The following ZNF536 variants were observed in gnomAD, a reference collection of about 807,000 sequenced individuals.
ZNF536 encodes zinc finger protein 536.
In ZNF536, 13 loss-of-function variants were observed where a neutral mutation model predicts 84.5. The observed-to-expected ratio is 0.15, with a 90% CI of 0.10 to 0.24. The LOEUF (loss-of-function observed/expected upper bound fraction) is 0.24. ZNF536 is among the 10% of genes least tolerant of loss of function. The probability of loss-of-function intolerance (pLI) is 1.00; values close to 1 mark genes in which losing one functional copy is unlikely to be tolerated. For synonymous variants in ZNF536, 811 were observed against 742.5 expected, an observed-to-expected ratio of 1.09 and a Z score of -1.50; for missense variants, 1,536 against 1,747.5, an observed-to-expected ratio of 0.88 and a Z score of 2.16.
chr19:30,573,757 C>A (rs988154124), intron 1 of ZNF536, among the ~76,000 whole-genome samples: 28 of 152,272 alleles, frequency 1.8e-4, no homozygotes, highest in African/African-American at 6.7e-4. Flanking sequence ...AAAACGTGGG[C>A]CAATCCTTGG....
At chr19:30,390,588 C>T (rs973563262) in intron 1 of ZNF536, among the ~76,000 whole-genome samples, 11 of 152,194 alleles carry the variant, frequency 7.2e-5, no homozygotes, top group Admixed American at 1.3e-4. Context: ...CACATTCTGC[C>T]GGAGAGCTGG....
chr19:30,276,944 A>G (rs975899435), intron 1 of ZNF536, among the ~76,000 whole-genome samples: 1 of 152,192 alleles, frequency 6.6e-6, no homozygotes, highest in Non-Finnish European at 1.5e-5. Context: ...CTTTTGCACA[A>G]CAAGCAGGTT....
At chr19:30,592,320 G>A (rs1164553839) in intron 1 of ZNF536, among the ~76,000 whole-genome samples, 1 of 152,170 alleles carries the variant, frequency 6.6e-6, no homozygotes, top group Middle Eastern at 3.2e-3. Context: ...CAACACCCCA[G>A]GAATGCAGTG....
intron 1 of ZNF536, among the ~76,000 whole-genome samples, chr19:30,590,056 A>G (rs137920236): frequency 6.6e-6 from 1 of 152,262 alleles, no homozygotes; most frequent in East Asian, 1.9e-4. Flanking sequence ...TGTTCTGGTG[A>G]CTCACAAAGT....
intron 1 of ZNF536, among the ~76,000 whole-genome samples, chr19:30,389,152 C>T (rs1379010086): frequency 2.0e-5 from 3 of 152,204 alleles, no homozygotes; most frequent in Non-Finnish European, 4.4e-5. Context: ...TCACCCAGTC[C>T]GCACACGTTC....
chr19:30,519,977 G>A (rs2044253016), intron 2 of ZNF536, among the ~76,000 whole-genome samples: 1 of 152,178 alleles, frequency 6.6e-6, no homozygotes, highest in Non-Finnish European at 1.5e-5. Context: ...GACTTAGTCT[G>A]GAAGATGAGA....
chr19:30,520,022 G>A (rs1322998986), intron 2 of ZNF536, among the ~76,000 whole-genome samples: 1 of 152,218 alleles, frequency 6.6e-6, no homozygotes. Flanking sequence ...TCAAACATGA[G>A]TGGGATTAAC....
intron 1 of ZNF536, among the ~76,000 whole-genome samples, chr19:30,709,325 G>A (rs1432975021): frequency 6.6e-6 from 1 of 152,002 alleles, no homozygotes; most frequent in East Asian, 1.9e-4. Flanking sequence ...GACAACTTTC[G>A]CTGCTGCCCC....
At chr19:30,264,434 C>T (rs1240899870) in intron 1 of ZNF536, among the ~76,000 whole-genome samples, 3 of 131,584 alleles carry the variant, frequency 2.3e-5, no homozygotes, top group Non-Finnish European at 4.7e-5. Flanking sequence ...TGTGTGTATT[C>T]GTGTGCACGC....
At chr19:30,600,242 C>T (rs1452721148) in intron 1 of ZNF536, among the ~76,000 whole-genome samples, 2 of 151,878 alleles carry the variant, frequency 1.3e-5, no homozygotes, top group Non-Finnish European at 2.9e-5. Flanking sequence ...ACAGGCATGC[C>T]CCACCATGCT....
At chr19:30,369,170 G>A (rs1198176131), upstream of ZNF536, among the ~76,000 whole-genome samples, 1 of 152,148 alleles carries the variant, frequency 6.6e-6, no homozygotes, top group Non-Finnish European at 1.5e-5. Flanking sequence ...TCTATAATGA[G>A]TTTATTAGTG....
Position 30,278,584 on chromosome 19 carries a change from G to A in ZNF536, c.-189-5488G>A, listed in dbSNP as rs541688749. Among the ~76,000 whole-genome samples the A allele has an allele frequency of 5.5e-4, 83 of 152,250 alleles. 1 individual carries two copies. Among genetic ancestry groups the A allele is most frequent in the African/African-American group, 1.9e-3 (78 of 41,546 alleles). On this transcript the variant is annotated intron_variant, in intron 1 of 5. Coordinates refer to the ZNF536 transcript ENST00000585628. ...TTTTGGTGAACACACCTGGGTCCTG[G>A]GCTGAGGCTGGTTTGGGAGCTGGTT... is the stretch of plus-strand genomic sequence containing the variant.
chr19:30,610,439 C>T (rs1034101133), intron 1 of ZNF536, among the ~76,000 whole-genome samples: 1 of 152,114 alleles, frequency 6.6e-6, no homozygotes, highest in Non-Finnish European at 1.5e-5. Flanking sequence ...GGGGTCTCCC[C>T]CTCTGGGTGG....
At position 30,442,972 on chromosome 19, in the gene ZNF536, A is replaced by C. The variant is rs182314281; in HGVS notation, c.-2-589A>C. Among the ~76,000 whole-genome samples the C allele has an allele frequency of 2.9e-3, 438 of 149,222 alleles. 1 individual carries two copies. The highest frequency in any genetic ancestry group is 5.2e-3 in the Non-Finnish European group (354 of 67,440). On this transcript the variant is annotated intron_variant, in intron 1 of 4. Coordinates refer to ENST00000355537, the MANE Select transcript of ZNF536 (RefSeq NM_014717.3). ...TATTCTAAAGCCTGTCCTTTACTTT[A>C]TTTTTTCCCAAAACATTATCTTGTT...
chr19:30,657,669 C>G (rs991775507), intron 1 of ZNF536, among the ~76,000 whole-genome samples: 1 of 152,234 alleles, frequency 6.6e-6, no homozygotes, highest in Non-Finnish European at 1.5e-5. Context: ...CAGGCACTTG[C>G]AACTCTCTTA....
intron 1 of ZNF536, among the ~76,000 whole-genome samples, chr19:30,586,271 G>T (rs1455026998): frequency 6.6e-6 from 1 of 152,238 alleles, no homozygotes; most frequent in East Asian, 1.9e-4. Context: ...GGACAACTAG[G>T]TTGCTTCATT....
At chr19:30,578,079 C>T (rs886170087) in intron 1 of ZNF536, among the ~76,000 whole-genome samples, 1 of 152,202 alleles carries the variant, frequency 6.6e-6, no homozygotes, top group Non-Finnish European at 1.5e-5. Context: ...TAACTGCCTC[C>T]TGGTTCTTTT....
intron 1 of ZNF536, among the ~76,000 whole-genome samples, chr19:30,259,341 C>T (rs748627502): frequency 3.6e-4 from 55 of 152,196 alleles, no homozygotes; most frequent in Non-Finnish European, 5.4e-4. Context: ...GGATGGTTAC[C>T]ATCTTTCCCT....
At chr19:30,534,267 T>C (rs2044977869) in intron 2 of ZNF536, among the ~76,000 whole-genome samples, 1 of 152,244 alleles carries the variant, frequency 6.6e-6, no homozygotes, top group African/African-American at 2.4e-5. Flanking sequence ...CACATTTCCA[T>C]ACTTTTTCTT....
Sources: allele counts gnomAD v4.1 joint callset (sites outside exome capture counted in the v4.1 genomes callset), GRCh38; gene constraint gnomAD v4.1.1; transcripts MANE v1.5; gene names NCBI Gene and HGNC (gene_info 2026-07-23, HGNC 2026-07-21).